Variants in KBTBD11 observed in about 807,000 individuals in gnomAD.
KBTBD11 encodes the protein kelch repeat and BTB domain-containing protein 11.
For synonymous variants in KBTBD11, 747 were observed against 499.0 expected (o/e 1.50, Z -6.63); for missense variants, 1,390 against 1,001.8 (o/e 1.39, Z -5.23).
rs1170622622 is a variant in KBTBD11, at chr8:1,993,516, TCCAC to T, written c.-908-6765_-908-6762del. Among the ~76,000 whole-genome samples the T allele has an allele frequency of 9.9e-3, 368 of 37,098 alleles. 7 individuals carry two copies. The highest frequency in any genetic ancestry group is 0.025 in the Admixed American group (69 of 2,796). The allele number at this position is 37,098 out of a possible 152,430, so 24.3% of individuals were successfully genotyped here. A position where few individuals can be genotyped will look rare whatever the true frequency, so the allele number is the denominator to read the frequency against. On this transcript the variant is annotated intron_variant, in intron 1 of 1. Transcript: ENST00000320248. ...ATCCGTCCATCCATCCATCCATCCATCCACCCATCCATCCACCCACCCACCCACC... is the reference window on the plus strand; with the variant it reads ...ATCCGTCCATCCATCCATCCATCCATCCATCCATCCACCCACCCACCCACC...
Position 2,002,002 on chromosome 8 carries a change from C to G in KBTBD11, c.810C>G (p.Pro270=). Residue 270 remains proline, a synonymous_variant, in exon 2 of 2, where the codon CCC becomes CCG. Transcript: ENST00000320248. This position sits in a 1 kb window ranked among gnomAD's most constrained non-coding sequence, Gnocchi z 4.1. ...ACTATCTGGAGGTGCTGCGCGAGCCCGCCGTGTTCGGCCGCCTGTCGGGCG... is the reference window on the plus strand; with the variant it reads ...ACTATCTGGAGGTGCTGCGCGAGCCGGCCGTGTTCGGCCGCCTGTCGGGCG... The part of the protein sequence containing the change: ...SDHYLEVLRE[P]AVFGRLSGAE... 1.4e-6 allele frequency: 2 copies of G among 1,423,590 alleles called. No individual in the cohort carries two copies. The highest frequency in any genetic ancestry group is 1.9e-6 in the Non-Finnish European group (2 of 1,079,912). 88.2% of individuals were successfully genotyped at this position (1,423,590 alleles called of 1,614,324 possible). A position where few individuals can be genotyped will look rare whatever the true frequency, so the allele number is the denominator to read the frequency against.
In KBTBD11 at chr8:2,005,515, T is replaced by C. The variant is rs1817547219; in HGVS notation, c.*2451T>C. The C allele has an allele frequency of 6.0e-6, 1 of 167,046 alleles. No individual in the cohort carries two copies. The highest frequency in any genetic ancestry group is 1.5e-5 in the Non-Finnish European group (1 of 68,142). 10.3% of individuals were successfully genotyped at this position (167,046 alleles called of 1,614,324 possible). A position where few individuals can be genotyped will look rare whatever the true frequency, so the allele number is the denominator to read the frequency against. ...ACCCTCCAAGGTGTGGCTTTCATTT[T>C]GGGACTGCTGCAGGGAGGGCAGAGG... On this transcript the variant is annotated 3_prime_UTR_variant, in exon 2 of 2. Transcript: ENST00000320248.
At position 2,002,494 on chromosome 8, in the gene KBTBD11, C is replaced by T. The variant is rs764246245; in HGVS notation, c.1302C>T (p.Arg434=). 38 of 1,510,298 alleles carry T rather than the reference C, an allele frequency of 2.5e-5. No homozygotes were observed. In the South Asian group the frequency reaches 4.3e-4, roughly 17 times the overall value. The allele number at this position is 1,510,298 out of a possible 1,614,324, so 93.6% of individuals were successfully genotyped here. A position where few individuals can be genotyped will look rare whatever the true frequency, so the allele number is the denominator to read the frequency against. Residue 434 remains arginine (R), a synonymous_variant, in exon 2 of 2, where the codon CGC becomes CGT. Coordinates refer to ENST00000320248, the MANE Select transcript of KBTBD11 (RefSeq NM_014867.3). This position sits in a 1 kb window ranked among gnomAD's most constrained non-coding sequence, Gnocchi z 4.1. Reference sequence around the variant, plus strand: ...AGCGCTACGACCCGCGCGCCGACCGCTGGGCCCCCGTGGCGCCGCTGCCCC... The same window carrying T: ...AGCGCTACGACCCGCGCGCCGACCGTTGGGCCCCCGTGGCGCCGCTGCCCC... ...SVERYDPRAD[R]WAPVAPLPRG...
At chr8:1,987,198 A>G (rs575649397) in intron 1 of KBTBD11, among the ~76,000 whole-genome samples, 2 of 152,198 alleles carry the variant, frequency 1.3e-5, no homozygotes, top group Admixed American at 1.3e-4. Flanking sequence ...ACTTCCATAA[A>G]AGACATAGGT....
intron 1 of KBTBD11, among the ~76,000 whole-genome samples, chr8:1,979,189 C>T (rs1816453634): frequency 1.3e-5 from 2 of 152,320 alleles, no homozygotes; most frequent in South Asian, 2.1e-4. Flanking sequence ...GCTGGATAGC[C>T]AGGGAAGTGC....
rs1817303718 is a variant in KBTBD11, at chr8:2,000,601, C to T, written c.-592C>T. 6.6e-6 allele frequency: 1 copy of T among 152,402 alleles called. No individual in the cohort carries two copies. Among genetic ancestry groups the T allele is most frequent in the African/African-American group, 2.4e-5 (1 of 41,466 alleles). The allele number at this position is 152,402 out of a possible 1,614,324, so 9.4% of individuals were successfully genotyped here. A position where few individuals can be genotyped will look rare whatever the true frequency, so the allele number is the denominator to read the frequency against. On this transcript the variant is annotated 5_prime_UTR_variant, in exon 2 of 2. Transcript: ENST00000320248. ...TTCAAGACACGGTGTTAAATCAAGG[C>T]TCTGAAGTTGGGGCCACAGCCGGTC... is the stretch of plus-strand genomic sequence containing the variant.
At chr8:1,985,188 G>A (rs1442124696) in intron 1 of KBTBD11, among the ~76,000 whole-genome samples, 2 of 152,202 alleles carry the variant, frequency 1.3e-5, no homozygotes, top group South Asian at 2.1e-4. Flanking sequence ...CAGGTGACCC[G>A]GCAGGAGAAG....
chr8:2,001,534 T>G lies in KBTBD11; in HGVS notation c.342T>G (p.Leu114=). 7.0e-7 allele frequency: 1 copy of G among 1,431,762 alleles called. No homozygotes were observed. The highest frequency in any genetic ancestry group is 9.1e-7 in the Non-Finnish European group (1 of 1,098,210). The allele number at this position is 1,431,762 out of a possible 1,614,324, so 88.7% of individuals were successfully genotyped here. Residue 114 remains leucine (L), a synonymous_variant, in exon 2 of 2, where the codon CTT becomes CTG. Transcript: ENST00000320248. Reference sequence around the variant, plus strand: ...CGTCCCCCGAACCGCGCGTTTGGCTTGAGGACCCCGCGTCCCCCGAGGAGC... The same window carrying G: ...CGTCCCCCGAACCGCGCGTTTGGCTGGAGGACCCCGCGTCCCCCGAGGAGC... ...AAPSPEPRVW[L]EDPASPEEPG...
intron 1 of KBTBD11, among the ~76,000 whole-genome samples, chr8:1,994,254 C>G (rs577795413): frequency 6.6e-6 from 1 of 152,198 alleles, no homozygotes; most frequent in Non-Finnish European, 1.5e-5. Context: ...GGAGCGAGGC[C>G]GGGCCTGCCC....
intron 1 of KBTBD11, among the ~76,000 whole-genome samples, chr8:1,996,894 ATATTT>A (rs1255921655): frequency 1.3e-5 from 2 of 152,130 alleles, no homozygotes; most frequent in Non-Finnish European, 2.9e-5. Context: ...AATGCTACAT[ATATTT>A]TATTATTTAC....
rs1368047155 is a variant in KBTBD11 at position 2,001,415 on chromosome 8, G to C, written c.223G>C (p.Glu75Gln). Residue 75 changes from glutamate (E) to glutamine (Q), a missense_variant, in exon 2 of 2, where the codon GAG (glutamate) becomes CAG (glutamine). Glu to Gln is a conservative substitution (Grantham distance 29). Transcript: ENST00000320248. The part of the protein sequence containing the change: ...PPSSGGPRVV[E>Q]RQWEAGSAGA... ...CTCCAGCGGTGGCCCGCGGGTGGTG[G>C]AGCGGCAGTGGGAGGCCGGCAGCGC... The C allele has an allele frequency of 6.5e-6, 9 of 1,392,688 alleles. No individual in the cohort carries two copies. The highest frequency in any genetic ancestry group is 1.6e-5 in the South Asian group (1 of 63,902). The allele number at this position is 1,392,688 out of a possible 1,614,324, so 86.3% of individuals were successfully genotyped here. A position where few individuals can be genotyped will look rare whatever the true frequency, so the allele number is the denominator to read the frequency against.
At position 2,001,926 on chromosome 8, in the gene KBTBD11, G is replaced by A. The variant is rs565479671; in HGVS notation, c.734G>A (p.Arg245Gln). The A allele has an allele frequency of 1.4e-6, 2 of 1,463,790 alleles. No homozygotes were observed. 90.7% of individuals were successfully genotyped at this position (1,463,790 alleles called of 1,614,324 possible). ...TACGAGGTCCTGAGCGCGGCCAAGC[G>A]GCAGCGGCTGAACGAGCTGCGCGAC... is the stretch of plus-strand genomic sequence containing the variant. ...NCYEVLSAAK[R>Q]QRLNELRDAA... The change falls in exon 2 of 2, where the codon CGG becomes CAG. Residue 245 changes from arginine to glutamine, a missense_variant. By Grantham distance (43) the Arg-to-Gln change is conservative. Transcript: ENST00000320248.
intron 1 of KBTBD11, among the ~76,000 whole-genome samples, chr8:1,979,480 A>G (rs916821755): frequency 1.3e-5 from 2 of 152,118 alleles, no homozygotes; most frequent in African/African-American, 4.8e-5. Flanking sequence ...AAACACAAAA[A>G]TTAGCCAGGT....
chr8:1,991,559 C>G lies in KBTBD11; in HGVS notation c.-908-8726C>G, dbSNP rs140858756. ...ATTCCAGCTCTGTGATCCATGAGGG[C>G]AGGGCCCTTGCTCCTGCATCAGCCC... On this transcript the variant is annotated intron_variant, in intron 1 of 1. Transcript: ENST00000320248. 7.3e-4 allele frequency among the ~76,000 whole-genome samples: 110 copies of G among 151,450 alleles called. 1 individual carries two copies. The highest frequency in any genetic ancestry group is 2.2e-3 in the African/African-American group (89 of 40,750).
chr8:2,002,369 A>G lies in KBTBD11; in HGVS notation c.1177A>G (p.Ser393Gly). The part of the protein sequence containing the change: ...FCYNPATDSW[S>G]AVRPLRQARS... ...CTACAACCCGGCCACGGACAGCTGG[A>G]GCGCCGTGAGGCCCCTGCGCCAGGC... Residue 393 changes from serine to glycine, a missense_variant, in exon 2 of 2, where the codon AGC (serine) becomes GGC (glycine). Physicochemically the swap from Ser to Gly is moderately conservative, Grantham distance 56. Coordinates refer to ENST00000320248, the MANE Select transcript of KBTBD11 (RefSeq NM_014867.3). This position sits in a 1 kb window ranked among gnomAD's most constrained non-coding sequence, Gnocchi z 4.1. 6.8e-7 allele frequency: 1 copy of G among 1,470,772 alleles called. No individual in the cohort carries two copies. The highest frequency in any genetic ancestry group is 2.3e-4 in the Middle Eastern group (1 of 4,396). The allele number at this position is 1,470,772 out of a possible 1,614,324, so 91.1% of individuals were successfully genotyped here. A position where few individuals can be genotyped will look rare whatever the true frequency, so the allele number is the denominator to read the frequency against.
At chr8:1,994,254 C>A (rs577795413) in intron 1 of KBTBD11, among the ~76,000 whole-genome samples, 1 of 152,198 alleles carries the variant, frequency 6.6e-6, no homozygotes, top group African/African-American at 2.4e-5. Flanking sequence ...GGAGCGAGGC[C>A]GGGCCTGCCC....
At chr8:1,992,431 G>A (rs1050112679) in intron 1 of KBTBD11, among the ~76,000 whole-genome samples, 16 of 148,820 alleles carry the variant, frequency 1.1e-4, no homozygotes, top group Admixed American at 6.9e-5. Flanking sequence ...AGAGGGGAGC[G>A]AGCTCGGTGG....
chr8:2,000,954 G>A lies in KBTBD11; in HGVS notation c.-239G>A. The A allele has an allele frequency of 2.3e-6, 1 of 429,226 alleles. No individual in the cohort carries two copies. Among genetic ancestry groups the A allele is most frequent in the Non-Finnish European group, 3.9e-6 (1 of 256,170 alleles). The allele number at this position is 429,226 out of a possible 1,614,324, so 26.6% of individuals were successfully genotyped here. The stretch of plus-strand genomic sequence containing the variant: ...AAAGTGGCTGGGGTTCAGAAGTTCA[G>A]CAAGTCGGACACACCCCTCCTCGCT... On this transcript the variant is annotated 5_prime_UTR_variant, in exon 2 of 2. Coordinates refer to ENST00000320248, the MANE Select transcript of KBTBD11 (RefSeq NM_014867.3).
At chr8:1,993,367 G>A (rs9720855) in intron 1 of KBTBD11, among the ~76,000 whole-genome samples, 56,232 of 119,080 alleles carry the variant, frequency 0.47, 11,952 homozygotes, top group East Asian at 0.72. Context: ...CGGTCCATCC[G>A]TCCGTCCGTC....
Sources: allele counts gnomAD v4.1 joint callset (sites outside exome capture counted in the v4.1 genomes callset), GRCh38; gene constraint gnomAD v4.1.1; non-coding constraint Gnocchi (gnomAD v3.1); transcripts MANE v1.5; gene names NCBI Gene and HGNC (gene_info 2026-07-23, HGNC 2026-07-21).